The following PABPC4L variants were observed in gnomAD, a reference collection of about 807,000 sequenced individuals.
The protein encoded by PABPC4L is polyadenylate-binding protein 4-like.
For missense variants in PABPC4L, 452 were observed against 451.4 expected (o/e 1.00, Z -0.01); for synonymous variants, 169 against 164.1 (o/e 1.03, Z -0.23).
At chr4:133,998,026 A>T in the PABPC4L span, among the ~76,000 whole-genome samples, 8 of 151,916 alleles carry the variant, frequency 5.3e-5, no homozygotes, top group Non-Finnish European at 1.0e-4. Context: ...GTATATAATC[A>T]AATGTACAAG....
At chr4:134,143,462 C>T in the PABPC4L span, among the ~76,000 whole-genome samples, 1 of 149,808 alleles carries the variant, frequency 6.7e-6, no homozygotes, top group Admixed American at 6.7e-5. Context: ...TTTGTTGTTT[C>T]ACATAGATTT....
At chr4:134,090,975 T>G in the PABPC4L span, among the ~76,000 whole-genome samples, 1 of 152,182 alleles carries the variant, frequency 6.6e-6, no homozygotes. Flanking sequence ...CTGGTAATTT[T>G]TACATGCTTA....
chr4:134,103,426 T>C, the PABPC4L span, among the ~76,000 whole-genome samples: 4 of 151,640 alleles, frequency 2.6e-5, no homozygotes. Context: ...TTCTTTCTTC[T>C]GAGGCCTCTC....
chr4:133,997,133 A>G, the PABPC4L span, among the ~76,000 whole-genome samples: 1 of 152,252 alleles, frequency 6.6e-6, no homozygotes, highest in Non-Finnish European at 1.5e-5. Flanking sequence ...ATTACCTGAG[A>G]CACCATACTG....
the PABPC4L span, among the ~76,000 whole-genome samples, chr4:134,022,781 G>A: frequency 6.6e-6 from 1 of 151,784 alleles, no homozygotes; most frequent in South Asian, 2.1e-4. Context: ...TGCTTTTCCC[G>A]GGGCATGCAC....
chr4:134,144,127 A>C, the PABPC4L span, among the ~76,000 whole-genome samples: 1 of 151,484 alleles, frequency 6.6e-6, no homozygotes, highest in East Asian at 1.9e-4. Context: ...TTGTTATAGT[A>C]CCTTTTTCTT....
chr4:134,124,565 A>C, the PABPC4L span, among the ~76,000 whole-genome samples: 2 of 152,160 alleles, frequency 1.3e-5, no homozygotes, highest in African/African-American at 2.4e-5. Context: ...ACAATGTGTT[A>C]AATTTACATT....
chr4:134,049,031 C>G, the PABPC4L span, among the ~76,000 whole-genome samples: 1 of 151,968 alleles, frequency 6.6e-6, no homozygotes, highest in Non-Finnish European at 1.5e-5. Flanking sequence ...AATGTTTCAA[C>G]TGAAATAGAA....
the PABPC4L span, among the ~76,000 whole-genome samples, chr4:134,118,232 A>G: frequency 6.6e-6 from 1 of 151,844 alleles, no homozygotes; most frequent in Non-Finnish European, 1.5e-5. Flanking sequence ...CAGACCTTAC[A>G]GAGTTCCTGT....
At chr4:134,003,594 TA>T in the PABPC4L span, among the ~76,000 whole-genome samples, 3 of 151,900 alleles carry the variant, frequency 2.0e-5, no homozygotes, top group African/African-American at 7.2e-5. Flanking sequence ...ATTACTTTAT[TA>T]AAAAATAATG....
the PABPC4L span, among the ~76,000 whole-genome samples, chr4:134,171,527 T>C: frequency 6.6e-6 from 1 of 152,170 alleles, no homozygotes; most frequent in Non-Finnish European, 1.5e-5. Flanking sequence ...CCTAGCTGTT[T>C]GTCAGGTGCA....
downstream of PABPC4L, among the ~76,000 whole-genome samples, chr4:134,194,744 C>T (rs959020750): frequency 4.6e-5 from 7 of 151,744 alleles, no homozygotes; most frequent in Non-Finnish European, 1.5e-5. Context: ...GAGGCAGGAA[C>T]TATCCTGACA....
At chr4:134,154,755 GAATTTTTTTAATTTTTAA>G in the PABPC4L span, among the ~76,000 whole-genome samples, 132 of 151,886 alleles carry the variant, frequency 8.7e-4, no homozygotes, top group Non-Finnish European at 1.4e-3. Context: ...AATGACAGTA[GAATTTTTTTAATTTTTAA>G]AATTTTTTTA....
chr4:133,981,528 T>C, the PABPC4L span, among the ~76,000 whole-genome samples: 2 of 151,278 alleles, frequency 1.3e-5, no homozygotes, highest in African/African-American at 2.4e-5. Context: ...TTTAGCAGAA[T>C]CAGCACTTTA....
the PABPC4L span, among the ~76,000 whole-genome samples, chr4:134,073,374 T>A: frequency 6.6e-6 from 1 of 152,204 alleles, no homozygotes; most frequent in Non-Finnish European, 1.5e-5. Context: ...ATGTCTCACA[T>A]CCAGGTCACG....
chr4:134,019,390 TA>T, the PABPC4L span, among the ~76,000 whole-genome samples: 1 of 152,098 alleles, frequency 6.6e-6, no homozygotes, highest in Non-Finnish European at 1.5e-5. Flanking sequence ...TTAGAAAATA[TA>T]AAAATGCCTC....
chr4:134,147,741 GTGTGTGTGTGT>G, the PABPC4L span, among the ~76,000 whole-genome samples: 2 of 90,746 alleles, frequency 2.2e-5, no homozygotes, highest in Admixed American at 1.4e-4. Context: ...GTGTGTGTGT[GTGTGTGTGTGT>G]TGTTGTTGTT....
the PABPC4L span, among the ~76,000 whole-genome samples, chr4:133,960,406 G>A: frequency 6.6e-6 from 1 of 152,156 alleles, no homozygotes; most frequent in Non-Finnish European, 1.5e-5. Flanking sequence ...AGGAGCAACG[G>A]AAAGACCCTG....
the PABPC4L span, among the ~76,000 whole-genome samples, chr4:134,119,965 C>G: frequency 1.3e-5 from 2 of 151,468 alleles, no homozygotes; most frequent in African/African-American, 4.8e-5. Context: ...CCATTTTAAC[C>G]TTGAAGGACA....
Sources: gnomAD v4.1 joint callset for allele counts (sites outside exome capture counted in the v4.1 genomes callset) on GRCh38, gnomAD v4.1.1 for gene constraint, MANE v1.5 for transcripts, NCBI Gene and HGNC (gene_info 2026-07-23, HGNC 2026-07-21) for gene names.